Variants in BLMH observed in about 807,000 individuals in gnomAD.
BLMH encodes the protein bleomycin hydrolase, also known as BLM hydrolase.
A neutral mutation model predicts 61.6 loss-of-function variants in BLMH; 32 were observed. The ratio of observed to expected loss-of-function variants is 0.52; its 90% confidence interval spans 0.39 to 0.70. The LOEUF (loss-of-function observed/expected upper bound fraction) is 0.70. Among genes scored for constraint, BLMH ranks in the 30% least tolerant of loss-of-function variants. BLMH has a pLI of 0.00. For missense variants in BLMH, 460 were observed against 555.5 expected (o/e 0.83, Z 1.73); for synonymous variants, 183 against 193.8 (o/e 0.94, Z 0.46).
chr17:30,287,878 T>G lies in BLMH; in HGVS notation c.391A>C (p.Arg131=), dbSNP rs773966875. ...TAQRKEPEDG[R]LVQFLLMNPA... is the part of the protein sequence containing the mutation. ...TTCATAAGCAAAAACTGCACCAGCC[T>G]CCCATCCTCAGGCTCCTTTCTCTGG... The change falls in exon 4 of 12, where the codon AGG becomes CGG. Residue 131 remains arginine (R), a synonymous_variant. Transcript: ENST00000261714. The G allele has an allele frequency of 6.2e-7, 1 of 1,614,100 alleles. No homozygotes were observed. Among genetic ancestry groups the G allele is most frequent in the Admixed American group, 1.7e-5 (1 of 60,016 alleles).
chr17:30,266,816 T>G, intron 11 of BLMH, 69 bp downstream of exon 11: 1 of 1,406,004 alleles, frequency 7.1e-7, no homozygotes, highest in Middle Eastern at 1.8e-4. Context: ...CTAGAGCAGC[T>G]TGACACCCAG....
At position 30,291,014 on chromosome 17, in the gene BLMH, T is replaced by TTTG; in HGVS notation, c.211+296_211+297insCAA. 1.3e-5 allele frequency: 5 copies of TTTG among 373,220 alleles called. No homozygotes were observed. The South Asian group carries it at 2.2e-4, about 17-fold the overall frequency. The allele number at this position is 373,220 out of a possible 1,614,324, so 23.1% of individuals were successfully genotyped here. A position where few individuals can be genotyped will look rare whatever the true frequency, so the allele number is the denominator to read the frequency against. ...TGTTTTGTGACCAAGACCATACATC[T>TTTG]CCAAGACACGGGCTACAAACCACAC... On this transcript the variant is annotated intron_variant, in intron 2 of 11. Transcript: ENST00000261714.
intron 6 of BLMH, among the ~76,000 whole-genome samples, chr17:30,277,138 C>T (rs1192099776): frequency 6.6e-6 from 1 of 152,154 alleles, no homozygotes; most frequent in East Asian, 1.9e-4. Context: ...AAGAGAGAAC[C>T]TTCCTTTATT....
chr17:30,283,827 T>C (rs886225654), intron 6 of BLMH, among the ~76,000 whole-genome samples: 1 of 152,096 alleles, frequency 6.6e-6, no homozygotes, highest in African/African-American at 2.4e-5. Flanking sequence ...GCCCCCACCA[T>C]CTTAATCTAA....
At position 30,272,911 on chromosome 17, in the gene BLMH, A is replaced by G. The variant is rs1260805569; in HGVS notation, c.802-12T>C. The stretch of plus-strand genomic sequence containing the variant: ...TTCACTAAACAAATCTATCAAGATC[A>G]AGAACACATTAATTAGGGCACAAAA... On this transcript the variant is annotated splice_polypyrimidine_tract_variant and intron_variant, in intron 7 of 11. Coordinates refer to ENST00000261714, the MANE Select transcript of BLMH (RefSeq NM_000386.4). 9 of 1,612,524 alleles carry G rather than the reference A, an allele frequency of 5.6e-6. No individual in the cohort carries two copies. The highest frequency in any genetic ancestry group is 1.3e-5 in the African/African-American group (1 of 74,864).
At chr17:30,260,164 G>C (rs538473204) in intron 11 of BLMH, among the ~76,000 whole-genome samples, 1 of 152,114 alleles carries the variant, frequency 6.6e-6, no homozygotes, top group African/African-American at 2.4e-5. Flanking sequence ...GGCTCAGACA[G>C]GTTAAATGCC....
At chr17:30,271,709 ACTT>A (rs1179465152) in intron 9 of BLMH, among the ~76,000 whole-genome samples, 1 of 152,234 alleles carries the variant, frequency 6.6e-6, no homozygotes, top group African/African-American at 2.4e-5. Context: ...GTTTGAAGTA[ACTT>A]CTTAGAAAAC....
At chr17:30,291,617 G>T in intron 1 of BLMH, 109 bp from the exon 2 acceptor site, 2 of 1,454,174 alleles carry the variant, frequency 1.4e-6, no homozygotes, top group Non-Finnish European at 1.9e-6. Flanking sequence ...GGTGCCCGCT[G>T]CAGCGGGGAA....
At chr17:30,286,951 C>T in intron 4 of BLMH, 49 bp from the exon 5 acceptor site, 1 of 1,255,158 alleles carries the variant, frequency 8.0e-7, no homozygotes, top group Non-Finnish European at 1.1e-6. Context: ...AATTAGAAAC[C>T]CTGGCAAAAA....
At chr17:30,275,687 A>G (rs1270679480) in intron 6 of BLMH, among the ~76,000 whole-genome samples, 1 of 149,904 alleles carries the variant, frequency 6.7e-6, no homozygotes, top group Non-Finnish European at 1.5e-5. Flanking sequence ...CTCCATCTCA[A>G]AAAAAAAAAG....
At chr17:30,280,343 A>G (rs1406670621) in intron 6 of BLMH, among the ~76,000 whole-genome samples, 1 of 152,228 alleles carries the variant, frequency 6.6e-6, no homozygotes, top group African/African-American at 2.4e-5. Flanking sequence ...CAGAAGAGAC[A>G]GAATCTTAGT....
At chr17:30,279,644 A>C (rs1908527977) in intron 6 of BLMH, among the ~76,000 whole-genome samples, 1 of 152,116 alleles carries the variant, frequency 6.6e-6, no homozygotes. Flanking sequence ...TGATCTCTAA[A>C]AATATTTTCA....
chr17:30,285,631 T>G (rs1908706305), intron 5 of BLMH, 151 bp from the exon 6 acceptor site: 1 of 515,862 alleles, frequency 1.9e-6, no homozygotes, highest in East Asian at 3.4e-5. Context: ...CTTCAACTTG[T>G]CCACTTAAAC....
At chr17:30,283,102 C>T (rs534282638) in intron 6 of BLMH, among the ~76,000 whole-genome samples, 2 of 152,102 alleles carry the variant, frequency 1.3e-5, no homozygotes, top group Non-Finnish European at 2.9e-5. Context: ...TTGAAAGTTA[C>T]AGTAAGCTAT....
chr17:30,249,242 A>C, intron 11 of BLMH, 74 bp from the exon 12 acceptor site: 6 of 1,455,474 alleles, frequency 4.1e-6, no homozygotes, highest in Non-Finnish European at 5.6e-6. Flanking sequence ...TTGTAGGATA[A>C]ACCTTTTACA....
At chr17:30,285,840 T>C (rs1256546970) in intron 5 of BLMH, among the ~76,000 whole-genome samples, 2 of 152,208 alleles carry the variant, frequency 1.3e-5, no homozygotes, top group Non-Finnish European at 1.5e-5. Flanking sequence ...GTTACTCTCA[T>C]AGATTTTTAC....
chr17:30,261,916 T>G (rs1907968890), intron 11 of BLMH, among the ~76,000 whole-genome samples: 1 of 152,196 alleles, frequency 6.6e-6, no homozygotes, highest in African/African-American at 2.4e-5. Flanking sequence ...TAGAAGGAAG[T>G]CTGAAAATTT....
At chr17:30,262,986 T>A (rs1261427991) in intron 11 of BLMH, among the ~76,000 whole-genome samples, 10 of 152,156 alleles carry the variant, frequency 6.6e-5, no homozygotes, top group Non-Finnish European at 1.2e-4. Context: ...CAGCCACAAA[T>A]GATGCTCTAG....
chr17:30,287,971 A>T (rs1374688824), intron 3 of BLMH, 24 bp from the exon 4 acceptor site: 1 of 1,594,596 alleles, frequency 6.3e-7, no homozygotes, highest in Non-Finnish European at 8.5e-7. Flanking sequence ...AAAGTTAAAT[A>T]ACATTAAAAG....
Sources: allele counts gnomAD v4.1 joint callset (sites outside exome capture counted in the v4.1 genomes callset), GRCh38; gene constraint gnomAD v4.1.1; transcripts MANE v1.5; gene names NCBI Gene and HGNC (gene_info 2026-07-23, HGNC 2026-07-21).